PDLIM5: variants seen among roughly 807,000 people sequenced by gnomAD.
PDLIM5 encodes the protein PDZ and LIM domain 5.
A neutral mutation model predicts 64.2 loss-of-function variants in PDLIM5; 34 were observed. That is an observed-to-expected ratio of 0.53 (90% CI 0.40 to 0.71). PDLIM5 has a LOEUF of 0.71. Among genes scored for constraint, PDLIM5 ranks in the 30% least tolerant of loss-of-function variants. The pLI, the probability that PDLIM5 is intolerant of heterozygous loss-of-function variation, is 0.00. For synonymous variants in PDLIM5, 253 were observed against 269.1 expected (o/e 0.94, Z 0.59); for missense variants, 683 against 733.6 (o/e 0.93, Z 0.80).
intron 10 of PDLIM5, among the ~76,000 whole-genome samples, chr4:94,656,106 A>G (rs1742190980): frequency 6.6e-6 from 1 of 152,244 alleles, no homozygotes; most frequent in South Asian, 2.1e-4. Context: ...AGAAAACACA[A>G]AAAATTTAAA....
intron 3 of PDLIM5, among the ~76,000 whole-genome samples, chr4:94,539,536 A>G (rs1053450604): frequency 3.9e-5 from 6 of 152,316 alleles, no homozygotes; most frequent in South Asian, 4.1e-4. Flanking sequence ...ATAGGTAGAT[A>G]AAAGAAATGC....
At chr4:94,636,230 A>G (rs916860086) in intron 8 of PDLIM5, among the ~76,000 whole-genome samples, 5 of 152,130 alleles carry the variant, frequency 3.3e-5, no homozygotes, top group African/African-American at 1.2e-4. Context: ...TATCTCAGTG[A>G]CTCAGTACTT....
At chr4:94,521,764 A>G (rs1360060013) in intron 2 of PDLIM5, among the ~76,000 whole-genome samples, 2 of 152,040 alleles carry the variant, frequency 1.3e-5, no homozygotes, top group African/African-American at 4.8e-5. Flanking sequence ...CTTAGAACAA[A>G]TGCCCATAGA....
chr4:94,505,215 G>A (rs1183971809), intron 2 of PDLIM5, among the ~76,000 whole-genome samples: 1 of 151,830 alleles, frequency 6.6e-6, no homozygotes, highest in Non-Finnish European at 1.5e-5. Flanking sequence ...CAGATTGAGG[G>A]TTCAGTCCTA....
intron 2 of PDLIM5, among the ~76,000 whole-genome samples, chr4:94,490,574 A>G (rs1726780607): frequency 6.6e-6 from 1 of 152,130 alleles, no homozygotes; most frequent in South Asian, 2.1e-4. Context: ...TTCTCATTTT[A>G]AAACTTTTCT....
At chr4:94,521,046 T>C (rs1729781632) in intron 2 of PDLIM5, among the ~76,000 whole-genome samples, 1 of 152,184 alleles carries the variant, frequency 6.6e-6, no homozygotes. Flanking sequence ...TTCAAGGCTC[T>C]TGGAGAAGAG....
At chr4:94,584,296 G>A (rs1735980743) in intron 5 of PDLIM5, 1 of 152,168 alleles carries the variant, frequency 6.6e-6, no homozygotes, top group African/African-American at 2.4e-5. Flanking sequence ...CCTGTTTTGA[G>A]GGGGGAGAAG....
At chr4:94,499,944 C>T (rs1446188448) in intron 2 of PDLIM5, among the ~76,000 whole-genome samples, 3 of 152,160 alleles carry the variant, frequency 2.0e-5, no homozygotes, top group Non-Finnish European at 4.4e-5. Context: ...CCATCCTCCC[C>T]TCCCCCTGAC....
At chr4:94,629,771 G>A (rs1739994613) in intron 8 of PDLIM5, among the ~76,000 whole-genome samples, 1 of 152,188 alleles carries the variant, frequency 6.6e-6, no homozygotes, top group Admixed American at 6.5e-5. Context: ...CCACTGCTTA[G>A]AGAAATGGTA....
At chr4:94,579,294 C>T (rs115598071) in intron 5 of PDLIM5, 491 of 298,292 alleles carry the variant, frequency 1.6e-3, no homozygotes, top group African/African-American at 9.9e-3. Context: ...TGCTGTTTTG[C>T]ATCAAGTAGT....
intron 2 of PDLIM5, among the ~76,000 whole-genome samples, chr4:94,498,070 T>C (rs2452559): frequency 0.2 from 30,955 of 152,132 alleles, 3,561 homozygotes; most frequent in East Asian, 0.26. Flanking sequence ...ATTCAGCCAG[T>C]AATCCACATG....
chr4:94,628,979 C>CAATTTTTAAGAAA (rs1739920934), intron 8 of PDLIM5, among the ~76,000 whole-genome samples: 1 of 150,152 alleles, frequency 6.7e-6, no homozygotes, highest in African/African-American at 2.5e-5. Flanking sequence ...AAATGAAGCC[C>CAATTTTTAAGAAA]ATTGGCCTCC....
At chr4:94,505,280 A>G (rs1467031662) in intron 2 of PDLIM5, among the ~76,000 whole-genome samples, 1 of 150,388 alleles carries the variant, frequency 6.6e-6, no homozygotes, top group Non-Finnish European at 1.5e-5. Context: ...TTTTTTTTGG[A>G]AACAGCCTTG....
At position 94,662,520 on chromosome 4, in the gene PDLIM5, A is replaced by T; in HGVS notation, c.1684A>T (p.Thr562Ser). The T allele has an allele frequency of 1.3e-6, 2 of 1,578,616 alleles. No individual in the cohort carries two copies. The highest frequency in any genetic ancestry group is 1.7e-6 in the Non-Finnish European group (2 of 1,147,646). Residue 562 changes from threonine (T) to serine (S), a missense_variant, in exon 12 of 13, where the codon ACT becomes TCT. Coordinates refer to ENST00000317968, the MANE Select transcript of PDLIM5 (RefSeq NM_006457.5). The part of the protein sequence containing the change: ...LEALGYTWHD[T>S]CFVCSVCCES... The stretch of plus-strand genomic sequence containing the variant: ...AGCTCTGGGCTACACCTGGCATGAC[A>T]CTTGCTTTGTATGCTCAGTAAGTAG...
chr4:94,500,554 A>G (rs987352075), intron 2 of PDLIM5, among the ~76,000 whole-genome samples: 2 of 152,316 alleles, frequency 1.3e-5, no homozygotes, highest in Admixed American at 1.3e-4. Flanking sequence ...GAAAAGGGGC[A>G]GAAAAGGTGT....
intron 2 of PDLIM5, among the ~76,000 whole-genome samples, chr4:94,472,130 C>T (rs1395418178): frequency 2.0e-5 from 3 of 151,942 alleles, no homozygotes; most frequent in Non-Finnish European, 4.4e-5. Flanking sequence ...GTAGGATTTT[C>T]TAGAAGCAAT....
At chr4:94,618,966 C>T (rs1309020481) in intron 8 of PDLIM5, among the ~76,000 whole-genome samples, 1 of 152,174 alleles carries the variant, frequency 6.6e-6, no homozygotes, top group African/African-American at 2.4e-5. Flanking sequence ...GGTGATCTCT[C>T]ATCCAGGTTC....
At chr4:94,527,266 A>G (rs1271791587) in intron 3 of PDLIM5, among the ~76,000 whole-genome samples, 35 of 150,800 alleles carry the variant, frequency 2.3e-4, no homozygotes, top group Admixed American at 2.3e-3. Flanking sequence ...CATGTTGGCC[A>G]GGATGGTCTT....
intron 3 of PDLIM5, among the ~76,000 whole-genome samples, chr4:94,535,576 T>C (rs565711772): frequency 6.6e-6 from 1 of 152,230 alleles, no homozygotes; most frequent in African/African-American, 2.4e-5. Context: ...ACCTGTTCAT[T>C]AGCCTTTGTA....
Sources: gnomAD v4.1 joint callset for allele counts (sites outside exome capture counted in the v4.1 genomes callset) on GRCh38, gnomAD v4.1.1 for gene constraint, MANE v1.5 for transcripts, NCBI Gene and HGNC (gene_info 2026-07-23, HGNC 2026-07-21) for gene names.